The following AP1M1 variants were observed in gnomAD, a reference collection of about 807,000 sequenced individuals.
AP1M1 encodes adaptor related protein complex 1 subunit mu 1, also known as AP-1 complex subunit mu-1.
AP1M1 carries 18 observed loss-of-function variants against 57.1 expected under a neutral mutation model. The ratio of observed to expected loss-of-function variants is 0.32; its 90% CI spans 0.22 to 0.47. The LOEUF (loss-of-function observed/expected upper bound fraction) is 0.47, where lower values mean the gene tolerates loss of function less well. Ranked by LOEUF, AP1M1 falls within the 20% of genes least tolerant of loss-of-function variation. The probability of loss-of-function intolerance (pLI) is 1.00; values close to 1 mark genes in which losing one functional copy is unlikely to be tolerated. For synonymous variants in AP1M1, 241 were observed against 237.9 expected, an observed-to-expected ratio of 1.01 and a Z score of -0.12; for missense variants, 362 against 593.5, an observed-to-expected ratio of 0.61 and a Z score of 4.05.
intron 4 of AP1M1, 174 bp from the exon 5 acceptor site, chr19:16,208,856 C>T: frequency 1.5e-6 from 1 of 673,824 alleles, no homozygotes; most frequent in Non-Finnish European, 2.4e-6. Flanking sequence ...TATGAAGCAG[C>T]CCCAGGTGAA....
In AP1M1 at chr19:16,235,128, G is replaced by C. The variant is rs2091619686; in HGVS notation, c.*693G>C. ...GGCCTCGCCTGTGGCGCCTTCCCAG[G>C]GCCAGCCTGGGTCACGAGATGCTGT... On this transcript the variant is annotated 3_prime_UTR_variant, in exon 12 of 12. Transcript: ENST00000291439. The C allele has an allele frequency of 6.6e-6, 1 of 152,412 alleles. No individual in the cohort carries two copies. Among genetic ancestry groups the C allele is most frequent in the African/African-American group, 2.4e-5 (1 of 41,448 alleles). 9.4% of individuals were successfully genotyped at this position (152,412 alleles called of 1,614,324 possible).
At chr19:16,213,466 G>A (rs1239423138) in intron 5 of AP1M1, among the ~76,000 whole-genome samples, 1 of 151,832 alleles carries the variant, frequency 6.6e-6, no homozygotes, top group Non-Finnish European at 1.5e-5. Context: ...TTCATTTTGA[G>A]TCTGTGGGTG....
Position 16,235,387 on chromosome 19 carries a change from C to G in AP1M1, c.*952C>G, listed in dbSNP as rs1174375272. ...TGCAGCGTGGTCCCAACTCCTCCTG[C>G]GTGACCACAGGGCTTGCCTGGTTTT... On this transcript the variant is annotated 3_prime_UTR_variant, in exon 12 of 12. Coordinates refer to ENST00000291439, the MANE Select transcript of AP1M1 (RefSeq NM_032493.4). The G allele has an allele frequency of 2.6e-5, 4 of 152,400 alleles. No homozygotes were observed. Among genetic ancestry groups the G allele is most frequent in the Non-Finnish European group, 2.9e-5 (2 of 68,070 alleles). The allele number at this position is 152,400 out of a possible 1,614,324, so 9.4% of individuals were successfully genotyped here. A position where few individuals can be genotyped will look rare whatever the true frequency, so the allele number is the denominator to read the frequency against.
In AP1M1 at chr19:16,206,862, T is replaced by G. The variant is rs925724136; in HGVS notation, c.267+454T>G. Among the ~76,000 whole-genome samples, 2 of 151,446 alleles carry G rather than the reference T, an allele frequency of 1.3e-5. No individual in the cohort carries two copies. Among genetic ancestry groups the G allele is most frequent in the East Asian group, 1.9e-4 (1 of 5,168 alleles). On this transcript the variant is annotated intron_variant, in intron 3 of 11. Transcript: ENST00000291439. This position sits in a 1 kb window ranked among gnomAD's most constrained non-coding sequence, Gnocchi z 4.3. ...GCCCAGGCTGCCAGTGAGACACAGA[T>G]AGCAGCCAGGGTGAAGGCGCCAGGA...
chr19:16,221,837 C>A (rs562520439), intron 5 of AP1M1, among the ~76,000 whole-genome samples: 4 of 152,302 alleles, frequency 2.6e-5, no homozygotes, highest in Admixed American at 1.3e-4. Context: ...CAGGCATTCA[C>A]CACCACACTT....
intron 9 of AP1M1, among the ~76,000 whole-genome samples, chr19:16,229,545 G>A (rs1281930211): frequency 6.6e-6 from 1 of 152,168 alleles, no homozygotes; most frequent in East Asian, 1.9e-4. Context: ...CACCAGGGGG[G>A]CTCAGGGCAG....
intron 5 of AP1M1, among the ~76,000 whole-genome samples, chr19:16,218,518 G>A (rs2091528608): frequency 6.6e-6 from 1 of 152,164 alleles, no homozygotes; most frequent in Admixed American, 6.5e-5. Flanking sequence ...CCTGTGCAGG[G>A]TTCCCAGCCT....
chr19:16,234,552 C>T lies in AP1M1; in HGVS notation c.*117C>T. On this transcript the variant is annotated 3_prime_UTR_variant, in exon 12 of 12. Transcript: ENST00000291439. ...CCTGGTCTCTGGCCACCCTCCCAGC[C>T]TCTGCCCAGGGACCCCTGCCTTCCC... is the stretch of plus-strand genomic sequence containing the variant. 2 of 1,370,494 alleles carry T rather than the reference C, an allele frequency of 1.5e-6. No individual in the cohort carries two copies. The highest frequency in any genetic ancestry group is 2.0e-6 in the Non-Finnish European group (2 of 985,446). 84.9% of individuals were successfully genotyped at this position (1,370,494 alleles called of 1,614,324 possible). A position where few individuals can be genotyped will look rare whatever the true frequency, so the allele number is the denominator to read the frequency against.
intron 5 of AP1M1, 121 bp downstream of exon 5, chr19:16,209,298 T>A: frequency 8.7e-7 from 1 of 1,145,304 alleles, no homozygotes; most frequent in Non-Finnish European, 1.2e-6. Context: ...GATAGCAGGA[T>A]TCAGTTTGGG....
At position 16,234,566 on chromosome 19, in the gene AP1M1, CCCTG is replaced by C; in HGVS notation, c.*135_*138del. On this transcript the variant is annotated 3_prime_UTR_variant, in exon 12 of 12. Transcript: ENST00000291439. ...ACCCTCCCAGCCTCTGCCCAGGGAC[CCCTG>C]CCTTCCCCAGGCCATCTGCTCTGCC... is the stretch of plus-strand genomic sequence containing the variant. 8.6e-7 allele frequency: 1 copy of C among 1,156,162 alleles called. No individual in the cohort carries two copies. Among genetic ancestry groups the C allele is most frequent in the Non-Finnish European group, 1.2e-6 (1 of 801,568 alleles). The allele number at this position is 1,156,162 out of a possible 1,614,324, so 71.6% of individuals were successfully genotyped here.
rs1369599460 is a variant in AP1M1, at chr19:16,228,274, C to T, written c.888+66C>T. On this transcript the variant is annotated intron_variant, in intron 8 of 11. Transcript: ENST00000291439. This position sits in a 1 kb window ranked among gnomAD's most constrained non-coding sequence, Gnocchi z 5.0. ...CTCTGGCCCGTCCCAGGAGCCTAAC[C>T]GAGGGCTGGGGGTGCCGTAGGGCTG... The T allele has an allele frequency of 7.8e-6, 12 of 1,543,040 alleles. No homozygotes were observed. The Admixed American group carries it at 1.2e-4, about 15-fold the overall frequency.
Position 16,206,107 on chromosome 19 carries a change from C to T in AP1M1, c.200-234C>T, listed in dbSNP as rs2091468343. ...GCCACCTGCCATCCCTGTGATTCTC[C>T]ATCTCAGTGAGTGCTCCCTGGGGCC... On this transcript the variant is annotated intron_variant, in intron 2 of 11. Coordinates refer to ENST00000291439, the MANE Select transcript of AP1M1 (RefSeq NM_032493.4). The surrounding 1 kb of genome is among the most constrained non-coding windows in gnomAD (Gnocchi z 4.3). 6.6e-6 allele frequency among the ~76,000 whole-genome samples: 1 copy of T among 152,156 alleles called. No individual in the cohort carries two copies. Among genetic ancestry groups the T allele is most frequent in the South Asian group, 2.1e-4 (1 of 4,834 alleles).
chr19:16,222,015 C>T, intron 5 of AP1M1, among the ~76,000 whole-genome samples: 1 of 151,768 alleles, frequency 6.6e-6, no homozygotes, highest in East Asian at 1.9e-4. Flanking sequence ...TTTTACTCTT[C>T]CTTCAGGACT....
At position 16,227,439 on chromosome 19, in the gene AP1M1, C is replaced by T. The variant is rs1265793296; in HGVS notation, c.674-109C>T. 7 of 1,304,994 alleles carry T rather than the reference C, an allele frequency of 5.4e-6. No individual in the cohort carries two copies. Among genetic ancestry groups the T allele is most frequent in the East Asian group, 2.4e-5 (1 of 42,514 alleles). The allele number at this position is 1,304,994 out of a possible 1,614,324, so 80.8% of individuals were successfully genotyped here. ...TTTGTGGCCCAGGCTGCTCTCAGTG[C>T]GTGGACTGGGGGCCCTGCTCTGCCG... On this transcript the variant is annotated intron_variant, in intron 6 of 11. Coordinates refer to ENST00000291439, the MANE Select transcript of AP1M1 (RefSeq NM_032493.4). The surrounding 1 kb of genome is among the most constrained non-coding windows in gnomAD (Gnocchi z 6.2).
intron 5 of AP1M1, among the ~76,000 whole-genome samples, chr19:16,210,807 G>A (rs2091490307): frequency 6.6e-6 from 1 of 151,950 alleles, no homozygotes; most frequent in Non-Finnish European, 1.5e-5. Context: ...TGATCCACCC[G>A]CCTCTGCCTC....
chr19:16,228,965 G>A lies in AP1M1; in HGVS notation c.1047+37G>A, dbSNP rs375768443. 1.6e-5 allele frequency: 25 copies of A among 1,601,226 alleles called. No homozygotes were observed. The highest frequency in any genetic ancestry group is 1.1e-4 in the South Asian group (10 of 90,532). ...GTCCAGACATCCACGTGCCCCCTGC[G>A]CCTGTCTCTGCAAGGCAGCCTGGGT... On this transcript the variant is annotated intron_variant, in intron 9 of 11. Transcript: ENST00000291439. This position sits in a 1 kb window ranked among gnomAD's most constrained non-coding sequence, Gnocchi z 5.0.
chr19:16,233,700 A>G (rs1217400848), intron 10 of AP1M1, 82 bp downstream of exon 10: 2 of 1,496,476 alleles, frequency 1.3e-6, no homozygotes, highest in African/African-American at 2.7e-5. Context: ...AGCTTGGGAA[A>G]GGGTGTCAGT....
At chr19:16,204,435 C>T (rs1028055392) in intron 2 of AP1M1, among the ~76,000 whole-genome samples, 1 of 152,202 alleles carries the variant, frequency 6.6e-6, no homozygotes, top group African/African-American at 2.4e-5. Context: ...GCTCCAGCAG[C>T]CATGGGGGAT....
At position 16,227,399 on chromosome 19, in the gene AP1M1, CCAGCCCCCTTGGTGTTTGT is replaced by C. The variant is rs2091575929; in HGVS notation, c.674-148_674-130del. 30 of 867,746 alleles carry C rather than the reference CCAGCCCCCTTGGTGTTTGT, an allele frequency of 3.5e-5. No homozygotes were observed. In the South Asian group the frequency reaches 4.6e-4, roughly 13 times the overall value. The allele number at this position is 867,746 out of a possible 1,614,324, so 53.8% of individuals were successfully genotyped here. A position where few individuals can be genotyped will look rare whatever the true frequency, so the allele number is the denominator to read the frequency against. ...AGTGATGGGGCAGTTGTCTTGGGAC[CCAGCCCCCTTGGTGTTTGT>C]GGCCCAGGCTGCTCTCAGTGCGTGG... On this transcript the variant is annotated intron_variant, in intron 6 of 11. Transcript: ENST00000291439. The surrounding 1 kb of genome is among the most constrained non-coding windows in gnomAD (Gnocchi z 6.2).
Sources: gnomAD v4.1 joint callset for allele counts (sites outside exome capture counted in the v4.1 genomes callset) on GRCh38, gnomAD v4.1.1 for gene constraint, Gnocchi (gnomAD v3.1) non-coding constraint, MANE v1.5 for transcripts, NCBI Gene and HGNC (gene_info 2026-07-23, HGNC 2026-07-21) for gene names.